CCDC187: variants seen among roughly 807,000 people sequenced by gnomAD.
CCDC187 encodes coiled-coil domain containing 187.
In CCDC187, 32 loss-of-function variants were observed where a neutral mutation model predicts 38.0. That is an observed-to-expected ratio of 0.84 (90% CI 0.64 to 1.13). The LOEUF is 1.13. Among genes scored for constraint, CCDC187 ranks in the 50% most tolerant of loss-of-function variants. The pLI is 0.00. For synonymous variants in CCDC187, 333 were observed against 347.9 expected, an observed-to-expected ratio of 0.96 and a Z score of 0.48; for missense variants, 707 against 786.8, an observed-to-expected ratio of 0.90 and a Z score of 1.21.
intron 20 of CCDC187, 113 bp downstream of exon 20, chr9:136,260,006 C>G: frequency 1.1e-6 from 1 of 870,684 alleles, no homozygotes; most frequent in African/African-American, 1.8e-5. Flanking sequence ...CGGGGCACAG[C>G]AGGCCAGAAC....
At chr9:136,263,928 T>A in intron 17 of CCDC187, 130 bp from the exon 18 acceptor site, 1 of 634,226 alleles carries the variant, frequency 1.6e-6, no homozygotes, top group Non-Finnish European at 2.0e-6. Context: ...TCCCTCCAAT[T>A]GGCCTTTGCC....
At position 136,285,085 on chromosome 9, in the gene CCDC187, A is replaced by C. The variant is rs1425149448; in HGVS notation, c.2927+428T>G. 2.0e-5 allele frequency among the ~76,000 whole-genome samples: 3 copies of C among 152,236 alleles called. No individual in the cohort carries two copies. In the East Asian group the frequency reaches 5.8e-4, roughly 29 times the overall value. ...GTGACATGGCCCCAGAGGAGGCTGC[A>C]GCCCGTGCTGGGGATGGGAGCCAGG... is the stretch of plus-strand genomic sequence containing the variant. On this transcript the variant is annotated intron_variant, in intron 9 of 25. Coordinates refer to ENST00000638797, the MANE Select transcript of CCDC187 (RefSeq NM_001378188.1).
Position 136,291,192 on chromosome 9 carries a change from T to C in CCDC187, c.1421A>G (p.Gln474Arg). Residue 474 changes from glutamine (Q) to arginine (R), a missense_variant, in exon 6 of 26, where the codon CAG becomes CGG. Transcript: ENST00000638797. Reference protein sequence around the residue: ...WGAQGQDRSFQRPESPHERLG... With the variant: ...WGAQGQDRSFRRPESPHERLG... ...CCTCTCATGGGGACTCTCCGGCCTCTGGAAGGAGCGGTCCTGTCCTTGGGC... is the reference window on the plus strand; with the variant it reads ...CCTCTCATGGGGACTCTCCGGCCTCCGGAAGGAGCGGTCCTGTCCTTGGGC... The C allele has an allele frequency of 2.5e-6, 1 of 398,640 alleles. No individual in the cohort carries two copies. The highest frequency in any genetic ancestry group is 4.4e-6 in the Non-Finnish European group (1 of 226,082). 24.7% of individuals were successfully genotyped at this position (398,640 alleles called of 1,614,324 possible).
At chr9:136,268,727 G>GTGTA (rs1418372357) in intron 14 of CCDC187, among the ~76,000 whole-genome samples, 2 of 152,212 alleles carry the variant, frequency 1.3e-5, no homozygotes, top group Non-Finnish European at 2.9e-5. Flanking sequence ...AGATATGTGT[G>GTGTA]TGTATACATA....
chr9:136,302,246 G>A (rs1225747917), intron 2 of CCDC187, among the ~76,000 whole-genome samples: 1 of 152,110 alleles, frequency 6.6e-6, no homozygotes. Context: ...TGTTTTCTTA[G>A]GAAAAGAGTT....
rs904573520 is a variant in CCDC187, at chr9:136,281,116, G to A, written c.3040+435C>T. ...CCTACAGCGCAGCCCACGCCAGCAC[G>A]AGGCCCTCAAGCCCAGGGCTTCAGC... On this transcript the variant is annotated intron_variant, in intron 10 of 25. Coordinates refer to ENST00000638797, the MANE Select transcript of CCDC187 (RefSeq NM_001378188.1). 329 of 290,070 alleles carry A rather than the reference G, an allele frequency of 1.1e-3. 1 individual carries two copies. The highest frequency in any genetic ancestry group is 6.3e-3 in the African/African-American group (291 of 46,350). The allele number at this position is 290,070 out of a possible 1,614,324, so 18.0% of individuals were successfully genotyped here.
chr9:136,300,185 C>T (rs1220817985), intron 3 of CCDC187, 35 bp downstream of exon 3: 26 of 398,354 alleles, frequency 6.5e-5, no homozygotes, highest in Admixed American at 5.3e-4. Context: ...GCATCCAACC[C>T]GGAGCACCAG....
intron 15 of CCDC187, 50 bp from the exon 16 acceptor site, chr9:136,267,561 C>T (rs1351395423): frequency 3.6e-5 from 35 of 985,476 alleles, no homozygotes; most frequent in Admixed American, 1.8e-4. Context: ...TTCGGTGCTT[C>T]CGGGCCTCGC....
At chr9:136,266,117 C>A in intron 16 of CCDC187, 74 bp from the exon 17 acceptor site, 3 of 880,480 alleles carry the variant, frequency 3.4e-6, no homozygotes, top group Non-Finnish European at 4.1e-6. Flanking sequence ...ACAGACACAG[C>A]CAGCCCTGGT....
chr9:136,284,762 G>A lies in CCDC187; in HGVS notation c.2927+751C>T, dbSNP rs977119709. ...TTTTTTCAGGAGAGGAGATCCAAAC[G>A]TGTTCACAAATCCCCAGGAGGGACT... On this transcript the variant is annotated intron_variant, in intron 9 of 25. Transcript: ENST00000638797. 4.6e-5 allele frequency among the ~76,000 whole-genome samples: 7 copies of A among 152,206 alleles called. No individual in the cohort carries two copies. In the South Asian group the frequency reaches 1.0e-3, roughly 23 times the overall value.
chr9:136,305,347 C>T (rs930632470), upstream of CCDC187, among the ~76,000 whole-genome samples: 2 of 152,316 alleles, frequency 1.3e-5, no homozygotes, highest in Admixed American at 6.5e-5. Flanking sequence ...AGGGTCCCCC[C>T]ACCCTCGGAG....
intron 14 of CCDC187, among the ~76,000 whole-genome samples, chr9:136,273,924 G>A (rs1554762822): frequency 6.6e-6 from 1 of 152,234 alleles, no homozygotes; most frequent in Non-Finnish European, 1.5e-5. Flanking sequence ...ACCTTGTGGT[G>A]GTCTTGCCGC....
intron 7 of CCDC187, among the ~76,000 whole-genome samples, chr9:136,289,617 C>T (rs1052989659): frequency 6.6e-5 from 10 of 152,008 alleles, no homozygotes; most frequent in African/African-American, 1.9e-4. Flanking sequence ...GGGCTGCCTC[C>T]TGAGGGTGGG....
chr9:136,259,981 T>C, intron 20 of CCDC187, 138 bp downstream of exon 20: 2 of 686,696 alleles, frequency 2.9e-6, no homozygotes, highest in Non-Finnish European at 3.6e-6. Context: ...GAGGCCGGGG[T>C]GGCCCGGTCA....
At chr9:136,263,373 C>T (rs1466933202) in intron 18 of CCDC187, among the ~76,000 whole-genome samples, 2 of 151,964 alleles carry the variant, frequency 1.3e-5, no homozygotes, top group African/African-American at 2.4e-5. Flanking sequence ...TAGCTGGGAC[C>T]ACAGGCACCC....
At chr9:136,300,137 A>AG (rs1831640740) in intron 3 of CCDC187, 83 bp downstream of exon 3, 1 of 397,098 alleles carries the variant, frequency 2.5e-6, no homozygotes, top group Non-Finnish European at 4.4e-6. Context: ...TTTGTCTGTG[A>AG]GGGTGGCCCA....
chr9:136,286,019 C>T, intron 8 of CCDC187, 66 bp downstream of exon 8: 1 of 397,830 alleles, frequency 2.5e-6, no homozygotes, highest in Non-Finnish European at 4.4e-6. Flanking sequence ...ATGGGGTCCC[C>T]ATTCCTCCCA....
rs1830939949 is a variant in CCDC187 at position 136,276,730 on chromosome 9, G to A, written c.3041-3C>T. 6.6e-6 allele frequency: 1 copy of A among 152,260 alleles called. No individual in the cohort carries two copies. Among genetic ancestry groups the A allele is most frequent in the Non-Finnish European group, 1.5e-5 (1 of 68,122 alleles). The allele number at this position is 152,260 out of a possible 1,614,324, so 9.4% of individuals were successfully genotyped here. ...CACACATGGGTCCTCCTGCTGACCT[G>A]TGGAACCATGGAGGGGGATAGCTGA... On this transcript the variant is annotated splice_region_variant and splice_polypyrimidine_tract_variant and intron_variant, in intron 10 of 25. Transcript: ENST00000638797.
chr9:136,292,550 C>A (rs1235541738), intron 4 of CCDC187, among the ~76,000 whole-genome samples: 2 of 152,206 alleles, frequency 1.3e-5, no homozygotes, highest in African/African-American at 2.4e-5. Flanking sequence ...TCCTCCCTGA[C>A]CCTCAGAGTC....
Sources: gnomAD v4.1 joint callset for allele counts (sites outside exome capture counted in the v4.1 genomes callset) on GRCh38, gnomAD v4.1.1 for gene constraint, MANE v1.5 for transcripts, NCBI Gene and HGNC (gene_info 2026-07-23, HGNC 2026-07-21) for gene names.